The following ZSCAN25 variants were observed in gnomAD, a reference collection of about 807,000 sequenced individuals.
ZSCAN25 encodes zinc finger and SCAN domain containing 25.
Under a neutral mutation model 38.7 loss-of-function variants are expected in ZSCAN25, and 27 were observed. That is an observed-to-expected ratio of 0.70 (90% CI 0.51 to 0.96). The LOEUF (loss-of-function observed/expected upper bound fraction) is 0.96, where lower values mean the gene tolerates loss of function less well. ZSCAN25 is among the 40% of genes least tolerant of loss of function. The pLI, the probability that ZSCAN25 is intolerant of heterozygous loss-of-function variation, is 0.00. For synonymous variants in ZSCAN25, 273 were observed against 277.7 expected, an observed-to-expected ratio of 0.98 and a Z score of 0.17; for missense variants, 637 against 705.9, an observed-to-expected ratio of 0.90 and a Z score of 1.11.
intron 7 of ZSCAN25, among the ~76,000 whole-genome samples, chr7:99,627,447 A>C (rs1446864935): frequency 1.3e-5 from 2 of 152,182 alleles, no homozygotes; most frequent in Non-Finnish European, 2.9e-5. Context: ...ATCTATCTAT[A>C]TATACATACA....
rs1365367909 is a variant in ZSCAN25 at position 99,631,442 on chromosome 7, AT to A, written c.*1425del. 29 of 985,270 alleles carry A rather than the reference AT, an allele frequency of 2.9e-5. No homozygotes were observed. Among genetic ancestry groups the A allele is most frequent in the Non-Finnish European group, 3.3e-5 (27 of 829,926 alleles). 61.0% of individuals were successfully genotyped at this position (985,270 alleles called of 1,614,324 possible). On this transcript the variant is annotated 3_prime_UTR_variant, in exon 8 of 8. Coordinates refer to ENST00000394152, the MANE Select transcript of ZSCAN25 (RefSeq NM_145115.3). ...TATTGTGCCATCACTTAAGGGTTTCATTTCTGTTTAAAGTTCTGGAAGCTGC... is the reference window on the plus strand; with the variant it reads ...TATTGTGCCATCACTTAAGGGTTTCATTCTGTTTAAAGTTCTGGAAGCTGC...
chr7:99,648,330 C>G, the ZSCAN25 span: 4 of 1,613,092 alleles, frequency 2.5e-6, no homozygotes, highest in Non-Finnish European at 3.4e-6. Context: ...GGTTCCATCT[C>G]TTGAATCCAC....
the ZSCAN25 span, chr7:99,676,620 A>G: frequency 4.6e-5 from 56 of 1,225,812 alleles, no homozygotes; most frequent in Non-Finnish European, 6.1e-5. Context: ...TGCACTGATG[A>G]TGAGATTTTG....
chr7:99,711,186 C>T, the ZSCAN25 span, among the ~76,000 whole-genome samples: 9 of 152,160 alleles, frequency 5.9e-5, 1 homozygote, highest in Non-Finnish European at 1.3e-4. Flanking sequence ...AACATTTCTG[C>T]ATAACATACT....
chr7:99,702,141 A>G, the ZSCAN25 span, among the ~76,000 whole-genome samples: 2 of 144,910 alleles, frequency 1.4e-5, no homozygotes, highest in East Asian at 2.0e-4. Flanking sequence ...CCAGGCTGGC[A>G]TGCATTGGTA....
chr7:99,704,511 G>C, the ZSCAN25 span, among the ~76,000 whole-genome samples: 1 of 152,056 alleles, frequency 6.6e-6, no homozygotes, highest in Non-Finnish European at 1.5e-5. Flanking sequence ...GGCTGGTCTT[G>C]AACTCCTGGC....
At position 99,630,245 on chromosome 7, in the gene ZSCAN25, G is replaced by A; in HGVS notation, c.*225G>A. The A allele has an allele frequency of 1.5e-6, 2 of 1,341,678 alleles. No homozygotes were observed. The highest frequency in any genetic ancestry group is 9.5e-7 in the Non-Finnish European group (1 of 1,051,030). 83.1% of individuals were successfully genotyped at this position (1,341,678 alleles called of 1,614,324 possible). On this transcript the variant is annotated 3_prime_UTR_variant, in exon 8 of 8. Transcript: ENST00000394152. ...ATTTTTCTTCCAATGTTTGAGGGAA[G>A]CAGTCTCCTGCGGTTCAGTTCAGGC... is the stretch of plus-strand genomic sequence containing the variant.
chr7:99,720,142 A>T, the ZSCAN25 span, among the ~76,000 whole-genome samples: 9 of 152,240 alleles, frequency 5.9e-5, 1 homozygote, highest in Non-Finnish European at 1.3e-4. Flanking sequence ...AATATACTGT[A>T]TTTATAGTTA....
the ZSCAN25 span, among the ~76,000 whole-genome samples, chr7:99,693,794 C>T: frequency 6.6e-6 from 1 of 152,324 alleles, no homozygotes; most frequent in Middle Eastern, 3.4e-3. Flanking sequence ...TCTTCTGCCT[C>T]AATCTTGCTG....
chr7:99,725,339 C>T, the ZSCAN25 span, among the ~76,000 whole-genome samples: 4 of 152,194 alleles, frequency 2.6e-5, no homozygotes, highest in Non-Finnish European at 5.9e-5. Flanking sequence ...TCAAACCCCA[C>T]AACAGGACTT....
At chr7:99,711,044 G>A in the ZSCAN25 span, 2 of 1,325,232 alleles carry the variant, frequency 1.5e-6, no homozygotes, top group East Asian at 2.5e-5. Context: ...TCACTCTGAT[G>A]TGTGTCTTAC....
chr7:99,648,142 C>T, the ZSCAN25 span: 1 of 1,370,220 alleles, frequency 7.3e-7, no homozygotes, highest in Non-Finnish European at 9.5e-7. Flanking sequence ...ACACTCTACA[C>T]AGACTCTGGG....
At chr7:99,663,111 C>T in the ZSCAN25 span, 3,216 of 1,240,310 alleles carry the variant, frequency 2.6e-3, 64 homozygotes, top group African/African-American at 0.044. Flanking sequence ...ATTGCTTTTT[C>T]GCCTTTGCCC....
the ZSCAN25 span, among the ~76,000 whole-genome samples, chr7:99,736,495 G>C: frequency 7.2e-5 from 11 of 152,194 alleles, no homozygotes; most frequent in Non-Finnish European, 1.2e-4. Context: ...ACCCATTCCT[G>C]ATGGGAGAGA....
chr7:99,725,689 A>G, the ZSCAN25 span, among the ~76,000 whole-genome samples: 5 of 152,042 alleles, frequency 3.3e-5, no homozygotes, highest in African/African-American at 7.2e-5. Flanking sequence ...CTCAAACCCA[A>G]TGTTTCTTGG....
the ZSCAN25 span, chr7:99,695,741 C>T: frequency 3.1e-6 from 5 of 1,612,530 alleles, no homozygotes; most frequent in Middle Eastern, 1.6e-4. Context: ...CTCAAAAACA[C>T]TCACCTGATG....
At chr7:99,693,381 C>T in the ZSCAN25 span, among the ~76,000 whole-genome samples, 4 of 152,190 alleles carry the variant, frequency 2.6e-5, no homozygotes, top group African/African-American at 9.7e-5. Context: ...GCAGTCTATC[C>T]GTTCTCAGAG....
chr7:99,658,755 A>G, the ZSCAN25 span: 3 of 152,252 alleles, frequency 2.0e-5, no homozygotes, highest in Middle Eastern at 3.4e-3. Flanking sequence ...ACATAGTCCC[A>G]TATTTCTTGG....
chr7:99,646,088 CTCT>C, the ZSCAN25 span, among the ~76,000 whole-genome samples: 1 of 152,054 alleles, frequency 6.6e-6, no homozygotes, highest in Non-Finnish European at 1.5e-5. Context: ...TTAGCTTTGG[CTCT>C]TCTTGGTCTT....
Sources: gnomAD v4.1 joint callset for allele counts (sites outside exome capture counted in the v4.1 genomes callset) on GRCh38, gnomAD v4.1.1 for gene constraint, MANE v1.5 for transcripts, NCBI Gene and HGNC (gene_info 2026-07-23, HGNC 2026-07-21) for gene names.